Variants in MICU1 observed in about 807,000 individuals in gnomAD.
The protein encoded by MICU1 is mitochondrial calcium uptake 1.
A neutral mutation model predicts 56.8 loss-of-function variants in MICU1; 45 were observed. That is an observed-to-expected ratio of 0.79 (90% confidence interval 0.62 to 1.02). The LOEUF is 1.02. Among genes scored for constraint, MICU1 ranks in the 50% least tolerant of loss-of-function variants. The pLI is 0.00. For missense variants in MICU1, 504 were observed against 587.1 expected (o/e 0.86, Z 1.46); for synonymous variants, 186 against 195.1 (o/e 0.95, Z 0.39).
intron 4 of MICU1, among the ~76,000 whole-genome samples, chr10:72,537,286 G>A (rs143640267): frequency 6.6e-6 from 1 of 152,330 alleles, no homozygotes; most frequent in Non-Finnish European, 1.5e-5. Context: ...TGTGGGGAAT[G>A]TGGATGGATG....
chr10:72,409,592 G>C (rs929188974), intron 9 of MICU1, among the ~76,000 whole-genome samples: 4 of 152,226 alleles, frequency 2.6e-5, no homozygotes, highest in African/African-American at 7.2e-5. Context: ...TTGGGAGGCT[G>C]AGGTGGGAGG....
intron 11 of MICU1, among the ~76,000 whole-genome samples, chr10:72,370,129 G>A (rs1382849655): frequency 6.6e-6 from 1 of 152,066 alleles, no homozygotes; most frequent in Non-Finnish European, 1.5e-5. Flanking sequence ...CGCCCACCTT[G>A]GCCTCCCAAA....
chr10:72,458,716 T>C (rs990621317), intron 8 of MICU1, among the ~76,000 whole-genome samples: 6 of 151,522 alleles, frequency 4.0e-5, no homozygotes, highest in African/African-American at 1.5e-4. Flanking sequence ...TTTTTTTTTT[T>C]TTTTTTAAAT....
intron 10 of MICU1, among the ~76,000 whole-genome samples, chr10:72,402,570 A>C (rs551492352): frequency 6.6e-6 from 1 of 152,170 alleles, no homozygotes; most frequent in African/African-American, 2.4e-5. Flanking sequence ...TATATTAAAA[A>C]AAACAAAAAA....
At chr10:72,549,627 C>A (rs140279086) in intron 4 of MICU1, among the ~76,000 whole-genome samples, 172 of 152,156 alleles carry the variant, frequency 1.1e-3, no homozygotes, top group African/African-American at 3.9e-3. Flanking sequence ...TTCCTATATA[C>A]TCTCTAAAGA....
intron 4 of MICU1, among the ~76,000 whole-genome samples, chr10:72,548,859 G>A (rs963258425): frequency 6.6e-6 from 1 of 152,122 alleles, no homozygotes; most frequent in Non-Finnish European, 1.5e-5. Context: ...ACCACACCCA[G>A]CTAATTTTTG....
At chr10:72,590,845 A>AT (rs201926537) in intron 1 of MICU1, among the ~76,000 whole-genome samples, 2,198 of 106,216 alleles carry the variant, frequency 0.021, 64 homozygotes, top group African/African-American at 0.054. Flanking sequence ...ATAAATAAAA[A>AT]TTAAAAAAAA....
intron 1 of MICU1, among the ~76,000 whole-genome samples, chr10:72,578,766 C>T (rs1840820135): frequency 6.6e-6 from 1 of 151,846 alleles, no homozygotes; most frequent in Admixed American, 6.6e-5. Context: ...TGCCACCACA[C>T]CCGGCTAATT....
rs565533030 is a variant in MICU1 at position 72,588,843 on chromosome 10, T to C, written c.-1-22049A>G. On this transcript the variant is annotated intron_variant, in intron 1 of 11. Coordinates refer to ENST00000361114, the MANE Select transcript of MICU1 (RefSeq NM_001195518.2). The stretch of plus-strand genomic sequence containing the variant: ...GTCTTTAGACATTAACAAGCTCCCC[T>C]TGGGGGAAAAATCAGTCCAGGTTGA... 1.2e-3 allele frequency among the ~76,000 whole-genome samples: 186 copies of C among 152,244 alleles called. 1 individual carries two copies. The highest frequency in any genetic ancestry group is 4.0e-3 in the African/African-American group (167 of 41,526).
At chr10:72,485,401 A>C (rs1304534389) in intron 6 of MICU1, among the ~76,000 whole-genome samples, 2 of 152,022 alleles carry the variant, frequency 1.3e-5, no homozygotes, top group Non-Finnish European at 2.9e-5. Context: ...TAATACAATA[A>C]TAATAATGGC....
intron 8 of MICU1, among the ~76,000 whole-genome samples, chr10:72,449,287 A>C (rs1865220632): frequency 1.3e-5 from 2 of 152,100 alleles, no homozygotes; most frequent in African/African-American, 4.8e-5. Flanking sequence ...AATCCCAGCC[A>C]CTCAGGAGGC....
intron 8 of MICU1, among the ~76,000 whole-genome samples, chr10:72,474,217 T>A (rs1422641883): frequency 5.6e-5 from 7 of 125,376 alleles, no homozygotes; most frequent in African/African-American, 2.2e-4. Context: ...GATCATATCA[T>A]GCCACTGCAC....
chr10:72,540,762 G>C (rs956410191), intron 4 of MICU1, among the ~76,000 whole-genome samples: 3 of 152,244 alleles, frequency 2.0e-5, no homozygotes. Flanking sequence ...CTATGGAAAA[G>C]CCATTGGGCT....
intron 1 of MICU1, among the ~76,000 whole-genome samples, chr10:72,600,127 A>G (rs1472652505): frequency 1.3e-5 from 2 of 151,724 alleles, no homozygotes; most frequent in Non-Finnish European, 2.9e-5. Flanking sequence ...CCCCGTCTCT[A>G]CCAAAAATAC....
At chr10:72,406,233 G>T (rs1008221627) in intron 10 of MICU1, among the ~76,000 whole-genome samples, 1 of 151,694 alleles carries the variant, frequency 6.6e-6, no homozygotes, top group Non-Finnish European at 1.5e-5. Context: ...ATTTATAATG[G>T]GATCGAAAAC....
At chr10:72,596,106 C>T (rs1032563347) in intron 1 of MICU1, among the ~76,000 whole-genome samples, 1 of 152,038 alleles carries the variant, frequency 6.6e-6, no homozygotes, top group Non-Finnish European at 1.5e-5. Context: ...CCGCCTCAGC[C>T]TCCCCAGTAG....
chr10:72,452,633 C>T (rs945612965), intron 8 of MICU1, among the ~76,000 whole-genome samples: 10 of 152,150 alleles, frequency 6.6e-5, no homozygotes, highest in Non-Finnish European at 1.2e-4. Flanking sequence ...CAGTAACATA[C>T]TTGACAAGTT....
At chr10:72,579,390 A>G (rs1379855295) in intron 1 of MICU1, among the ~76,000 whole-genome samples, 1 of 152,100 alleles carries the variant, frequency 6.6e-6, no homozygotes, top group East Asian at 1.9e-4. Context: ...TGACCTCTTA[A>G]AGAGCACTAA....
intron 10 of MICU1, among the ~76,000 whole-genome samples, chr10:72,399,619 CTGGGTGACAAAGCG>C (rs1863384583): frequency 6.6e-6 from 1 of 151,724 alleles, no homozygotes; most frequent in Non-Finnish European, 1.5e-5. Flanking sequence ...GTACTCCAGC[CTGGGTGACAAAGCG>C]AAACTCCATC....
Sources: allele counts gnomAD v4.1 joint callset (sites outside exome capture counted in the v4.1 genomes callset), GRCh38; gene constraint gnomAD v4.1.1; transcripts MANE v1.5; gene names NCBI Gene and HGNC (gene_info 2026-07-23, HGNC 2026-07-21).